MARCO: variants seen among roughly 807,000 people sequenced by gnomAD.
The protein encoded by MARCO is macrophage receptor MARCO.
In MARCO, 72 loss-of-function variants were observed where a neutral mutation model predicts 70.0. The ratio of observed to expected loss-of-function variants is 1.03; its 90% confidence interval spans 0.85 to 1.25. The LOEUF (loss-of-function observed/expected upper bound fraction) is 1.25. MARCO is among the 50% of genes most tolerant of loss of function. The pLI is 0.00. For synonymous variants in MARCO, 273 were observed against 243.1 expected (o/e 1.12, Z -1.14); for missense variants, 696 against 659.3 (o/e 1.06, Z -0.61).
At chr2:118,984,881 C>T (rs1180365750) in intron 12 of MARCO, among the ~76,000 whole-genome samples, 10 of 152,190 alleles carry the variant, frequency 6.6e-5, no homozygotes, top group Admixed American at 6.5e-4. Flanking sequence ...GGTTTCCAAA[C>T]TGATGTATTT....
intron 10 of MARCO, among the ~76,000 whole-genome samples, chr2:118,981,893 T>C (rs1278213869): frequency 6.6e-6 from 1 of 152,122 alleles, no homozygotes; most frequent in East Asian, 1.9e-4. Flanking sequence ...GGGGTGGAGT[T>C]GGACAGTCAC....
At chr2:118,956,138 A>C (rs1429760600) in intron 1 of MARCO, among the ~76,000 whole-genome samples, 1 of 152,228 alleles carries the variant, frequency 6.6e-6, no homozygotes. Context: ...GGTACCTCAC[A>C]TTTCAATACT....
chr2:118,952,851 T>TTGTTAGAAATAC (rs1679750433), intron 1 of MARCO: 1 of 152,146 alleles, frequency 6.6e-6, no homozygotes, highest in Non-Finnish European at 1.5e-5. Context: ...GTTAGAAATA[T>TTGTTAGAAATAC]CAAAATTGTT....
At position 118,970,246 on chromosome 2, in the gene MARCO, C is replaced by G. The variant is rs777128371; in HGVS notation, c.332C>G (p.Ser111Trp). The change falls in exon 3 of 17, where the codon TCG (serine) becomes TGG (tryptophan). Residue 111 changes from serine to tryptophan, a missense_variant. By Grantham distance (177) the Ser-to-Trp change is radical. Transcript: ENST00000327097. ...GGAGAACACCTGGCTCAGGGTGCAT[C>G]GAGGCTGCAAGTCCTGCAGGCCCAA... The part of the protein sequence containing the change: ...HPGEHLAQGA[S>W]RLQVLQAQLT... 2 of 1,614,034 alleles carry G rather than the reference C, an allele frequency of 1.2e-6. No homozygotes were observed. Among genetic ancestry groups the G allele is most frequent in the Non-Finnish European group, 1.7e-6 (2 of 1,179,982 alleles).
In MARCO at chr2:118,977,880, TGGCCCAAAA is replaced by T; in HGVS notation, c.714_722del (p.Pro239_Gly241del). 1 of 1,612,754 alleles carries T rather than the reference TGGCCCAAAA, an allele frequency of 6.2e-7. No individual in the cohort carries two copies. Among genetic ancestry groups the T allele is most frequent in the Non-Finnish European group, 8.5e-7 (1 of 1,179,500 alleles). ...GCAGCAAAGGCGATGGGGGTCTCATTGGCCCAAAAGGGGAAACTGGAACTAAGGGAGAGA... is the reference window on the plus strand; with the variant it reads ...GCAGCAAAGGCGATGGGGGTCTCATTGGGGAAACTGGAACTAAGGGAGAGA... On this transcript the variant is annotated inframe_deletion, in exon 8 of 17. Coordinates refer to ENST00000327097, the MANE Select transcript of MARCO (RefSeq NM_006770.4).
chr2:118,973,624 G>C (rs975822218), intron 4 of MARCO, among the ~76,000 whole-genome samples: 3 of 152,208 alleles, frequency 2.0e-5, no homozygotes, highest in East Asian at 3.9e-4. Context: ...TGTTGAAAAG[G>C]CTCCAGAGAC....
At chr2:118,945,290 C>T (rs1679573858) in intron 1 of MARCO, among the ~76,000 whole-genome samples, 1 of 152,058 alleles carries the variant, frequency 6.6e-6, no homozygotes, top group South Asian at 2.1e-4. Context: ...TGGCTTTAGG[C>T]TTCCTGTCAC....
intron 4 of MARCO, among the ~76,000 whole-genome samples, chr2:118,973,484 C>T (rs571276998): frequency 5.1e-4 from 78 of 152,238 alleles, no homozygotes; most frequent in Non-Finnish European, 8.8e-4. Flanking sequence ...ATAGAAGTCT[C>T]GGCTCCTCCT....
chr2:118,991,381 G>C (rs144570061), intron 13 of MARCO, among the ~76,000 whole-genome samples: 2 of 151,416 alleles, frequency 1.3e-5, no homozygotes, highest in Non-Finnish European at 2.9e-5. Flanking sequence ...TCCCACCTTC[G>C]TCTCCCAAAG....
rs547121562 is a variant in MARCO, at chr2:118,994,497, G to A, written c.1540G>A (p.Ala514Thr). The A allele has an allele frequency of 5.6e-6, 9 of 1,608,742 alleles. No homozygotes were observed. The highest frequency in any genetic ancestry group is 1.7e-5 in the Admixed American group (1 of 59,526). ...GHHDCSHEED[A>T]GVECSV ...TCATGACTGCAGCCACGAGGAGGACGCAGGCGTGGAGTGCAGCGTCTGACC... is the reference window on the plus strand; with the variant it reads ...TCATGACTGCAGCCACGAGGAGGACACAGGCGTGGAGTGCAGCGTCTGACC... The change falls in exon 17 of 17, where the codon GCA becomes ACA. Residue 514 changes from alanine to threonine, a missense_variant. Physicochemically the swap from Ala to Thr is moderately conservative, Grantham distance 58. Coordinates refer to ENST00000327097, the MANE Select transcript of MARCO (RefSeq NM_006770.4).
intron 1 of MARCO, among the ~76,000 whole-genome samples, chr2:118,964,605 T>C (rs1680008616): frequency 6.6e-6 from 1 of 152,172 alleles, no homozygotes; most frequent in South Asian, 2.1e-4. Flanking sequence ...TTGGTATTCC[T>C]GGCCAGGCAC....
chr2:118,982,852 A>T (rs1206046493), intron 12 of MARCO, among the ~76,000 whole-genome samples: 1 of 151,924 alleles, frequency 6.6e-6, no homozygotes, highest in Non-Finnish European at 1.5e-5. Context: ...GACCCACACT[A>T]GCCAAAGACT....
At chr2:118,993,506 C>T (rs1397599290) in intron 16 of MARCO, among the ~76,000 whole-genome samples, 2 of 152,328 alleles carry the variant, frequency 1.3e-5, no homozygotes, top group South Asian at 2.1e-4. Flanking sequence ...CTGTCTTCTC[C>T]AGCGCTGACA....
At chr2:118,947,313 T>A (rs571858738) in intron 1 of MARCO, among the ~76,000 whole-genome samples, 2 of 152,294 alleles carry the variant, frequency 1.3e-5, no homozygotes, top group South Asian at 4.1e-4. Flanking sequence ...TTTTTATATG[T>A]TAGAGACAAG....
rs146049876 is a variant in MARCO at position 118,965,247 on chromosome 2, C to T, written c.98-3913C>T. On this transcript the variant is annotated intron_variant, in intron 1 of 16. Coordinates refer to ENST00000327097, the MANE Select transcript of MARCO (RefSeq NM_006770.4). The stretch of plus-strand genomic sequence containing the variant: ...TGTTCATGTGTGTTTGTTTGTTTTC[C>T]CAGCTGATTTTCTGTTTTTCAGACG... Among the ~76,000 whole-genome samples, 578 of 152,202 alleles carry T rather than the reference C, an allele frequency of 3.8e-3. 4 individuals carry two copies. Among genetic ancestry groups the T allele is most frequent in the Non-Finnish European group, 4.4e-3 (301 of 68,014 alleles).
At chr2:118,981,332 T>G in intron 8 of MARCO, 77 bp from the exon 9 acceptor site, 2 of 909,396 alleles carry the variant, frequency 2.2e-6, no homozygotes, top group Non-Finnish European at 3.5e-6. Flanking sequence ...TTCAGTGGAA[T>G]GGGAAGTGTC....
chr2:118,978,440 G>A (rs1680328345), intron 8 of MARCO, among the ~76,000 whole-genome samples: 1 of 152,316 alleles, frequency 6.6e-6, no homozygotes, highest in South Asian at 2.1e-4. Context: ...GGATGGTTCT[G>A]ACCATGAAGG....
chr2:118,983,153 G>A (rs1680426562), intron 12 of MARCO, among the ~76,000 whole-genome samples: 1 of 152,228 alleles, frequency 6.6e-6, no homozygotes, highest in Non-Finnish European at 1.5e-5. Context: ...GTTGCACATT[G>A]GAAAGCCAAG....
chr2:118,971,324 T>C (rs981419962), intron 3 of MARCO, among the ~76,000 whole-genome samples, 175 bp from the exon 4 acceptor site: 3 of 152,138 alleles, frequency 2.0e-5, no homozygotes, highest in Non-Finnish European at 2.9e-5. Flanking sequence ...TTCCAAGGAC[T>C]CTTTCCCAAA....
Sources: allele counts gnomAD v4.1 joint callset (sites outside exome capture counted in the v4.1 genomes callset), GRCh38; gene constraint gnomAD v4.1.1; transcripts MANE v1.5; gene names NCBI Gene and HGNC (gene_info 2026-07-23, HGNC 2026-07-21).